The following SHANK2 variants were observed in gnomAD, a reference collection of about 807,000 sequenced individuals.
SHANK2 encodes SH3 and multiple ankyrin repeat domains 2.
A neutral mutation model predicts 133.7 loss-of-function variants in SHANK2; 43 were observed. That is an observed-to-expected ratio of 0.32 (90% CI 0.25 to 0.41). SHANK2 has a LOEUF of 0.41. Ranked by LOEUF, SHANK2 falls within the 10% of genes least tolerant of loss-of-function variation. SHANK2 has a pLI of 1.00. For missense variants in SHANK2, 1,994 were observed against 2,235.8 expected (o/e 0.89, Z 2.18); for synonymous variants, 1,017 against 952.8 (o/e 1.07, Z -1.24).
Position 70,473,118 on chromosome 11 carries a change from C to T in SHANK2, c.5301G>A (p.Ser1767=), listed in dbSNP as rs200116785. ...TATTTGAGATTGGCTGTTGCAGTAT[C>T]GAGGGGGATGGCGACCTACTGCGTC... ...PAGRSRSPSP[S]ILQQPISNKP... Residue 1767 remains serine, a synonymous_variant, in exon 26 of 26, where the codon TCG becomes TCA. Coordinates refer to ENST00000601538, the MANE Select transcript of SHANK2 (RefSeq NM_012309.5). This position sits in a 1 kb window ranked among gnomAD's most constrained non-coding sequence, Gnocchi z 5.9. 9.8e-4 allele frequency: 1,578 copies of T among 1,614,236 alleles called. 32 individuals are homozygous for T. The South Asian group carries it at 0.016, about 17-fold the overall frequency.
Position 71,175,347 on chromosome 11 carries a change from G to A in SHANK2, c.-12-28009C>T, listed in dbSNP as rs1240959500. On this transcript the variant is annotated intron_variant, in intron 2 of 25. Coordinates refer to ENST00000601538, the MANE Select transcript of SHANK2 (RefSeq NM_012309.5). This position sits in a 1 kb window ranked among gnomAD's most constrained non-coding sequence, Gnocchi z 4.2. ...TGATGAAACCTGAGCCACAGAGGTG[G>A]TGTCAGTGAGAAACCAAGGCTGCTG... 6.6e-6 allele frequency among the ~76,000 whole-genome samples: 1 copy of A among 152,152 alleles called. No individual in the cohort carries two copies. Among genetic ancestry groups the A allele is most frequent in the African/African-American group, 2.4e-5 (1 of 41,440 alleles).
At chr11:71,081,141 G>A (rs1032061680) in intron 8 of SHANK2, among the ~76,000 whole-genome samples, 113 of 152,314 alleles carry the variant, frequency 7.4e-4, no homozygotes, top group African/African-American at 2.4e-3. Flanking sequence ...TGGGGACACA[G>A]ACACACAGAG....
intron 11 of SHANK2, among the ~76,000 whole-genome samples, chr11:70,875,985 C>T (rs910360568): frequency 5.9e-5 from 9 of 151,596 alleles, no homozygotes; most frequent in South Asian, 2.1e-4. Context: ...GGAGAAACCC[C>T]GTCTCTACTA....
intron 14 of SHANK2, among the ~76,000 whole-genome samples, chr11:70,756,528 C>T (rs1212739881): frequency 5.9e-5 from 9 of 152,170 alleles, no homozygotes; most frequent in African/African-American, 2.2e-4. Flanking sequence ...CGCTCCTTCC[C>T]TCCAGCTGTG....
intron 21 of SHANK2, among the ~76,000 whole-genome samples, chr11:70,495,072 C>T (rs1429688980): frequency 6.6e-6 from 1 of 152,242 alleles, no homozygotes; most frequent in African/African-American, 2.4e-5. Flanking sequence ...GCAGTGGGGA[C>T]ATCCTGGCTG....
intron 18 of SHANK2, 36 bp downstream of exon 18, chr11:70,502,749 CCCCCAGTAGGG>C: frequency 8.3e-7 from 1 of 1,200,490 alleles, no homozygotes; most frequent in African/African-American, 1.6e-5. Flanking sequence ...CCACCCCCCC[CCCCCAGTAGGG>C]CCCCAGGCTG....
At chr11:70,935,402 C>T (rs1950558471) in intron 10 of SHANK2, among the ~76,000 whole-genome samples, 1 of 152,100 alleles carries the variant, frequency 6.6e-6, no homozygotes, top group Non-Finnish European at 1.5e-5. Context: ...ATTGAAGAAC[C>T]GAGTCCTCAG....
At chr11:70,876,237 C>T (rs145923921) in intron 11 of SHANK2, among the ~76,000 whole-genome samples, 92 of 147,536 alleles carry the variant, frequency 6.2e-4, no homozygotes, top group African/African-American at 2.2e-3. Context: ...CACACACACA[C>T]ATATAGACAC....
In SHANK2 at chr11:70,470,345, T is replaced by G. The variant is rs1402066464; in HGVS notation, c.*2524A>C. ...GGTTAGTGGCATGTGGCTTGGAGTA[T>G]CTTTAAGAAAGGGAATAACATCTGG... On this transcript the variant is annotated 3_prime_UTR_variant, in exon 26 of 26. Transcript: ENST00000601538. 6.6e-6 allele frequency: 1 copy of G among 152,258 alleles called. No individual in the cohort carries two copies. Among genetic ancestry groups the G allele is most frequent in the African/African-American group, 2.4e-5 (1 of 41,446 alleles). 9.4% of individuals were successfully genotyped at this position (152,258 alleles called of 1,614,324 possible).
At chr11:71,108,601 C>G (rs1951837063) in intron 6 of SHANK2, among the ~76,000 whole-genome samples, 1 of 152,248 alleles carries the variant, frequency 6.6e-6, no homozygotes, top group Non-Finnish European at 1.5e-5. Flanking sequence ...AGCGGAAGCC[C>G]AGCCTTGTCC....
chr11:71,102,311 T>C (rs139207814), intron 6 of SHANK2, among the ~76,000 whole-genome samples: 193 of 152,232 alleles, frequency 1.3e-3, no homozygotes, highest in Non-Finnish European at 2.3e-3. Context: ...AATTTACATT[T>C]AGAACAGGTA....
At chr11:70,780,781 T>C (rs1166836852) in intron 14 of SHANK2, among the ~76,000 whole-genome samples, 1 of 152,052 alleles carries the variant, frequency 6.6e-6, no homozygotes, top group Non-Finnish European at 1.5e-5. Flanking sequence ...ACCATGTTGG[T>C]CACGCTGGTC....
intron 3 of SHANK2, among the ~76,000 whole-genome samples, chr11:71,139,726 T>A (rs1329931391): frequency 4.6e-5 from 7 of 152,128 alleles, no homozygotes; most frequent in Non-Finnish European, 1.0e-4. Flanking sequence ...GCCCTCCCTG[T>A]GCCCAGAGCC....
chr11:71,078,424 A>G (rs945389120), intron 8 of SHANK2, among the ~76,000 whole-genome samples: 69 of 152,366 alleles, frequency 4.5e-4, no homozygotes, highest in African/African-American at 1.5e-3. Context: ...TTTAGCAACC[A>G]TAATAGCATT....
rs1216261206 is a variant in SHANK2 at position 70,579,818 on chromosome 11, G to A, written c.2062-76887C>T. On this transcript the variant is annotated intron_variant, in intron 17 of 25. Coordinates refer to ENST00000601538, the MANE Select transcript of SHANK2 (RefSeq NM_012309.5). ...CGTCATCACAAGCGTCCTGATAAGT[G>A]GAGGAGGAGCCGGGAGGAGCAGAGC... 5.9e-5 allele frequency among the ~76,000 whole-genome samples: 9 copies of A among 152,258 alleles called. 1 individual carries two copies. The South Asian group carries it at 1.9e-3, about 31-fold the overall frequency.
At chr11:70,756,426 A>G (rs1397728321) in intron 14 of SHANK2, among the ~76,000 whole-genome samples, 1 of 152,144 alleles carries the variant, frequency 6.6e-6, no homozygotes, top group Admixed American at 6.5e-5. Flanking sequence ...TGAACCGGAG[A>G]AGAGCCCAGG....
intron 2 of SHANK2, among the ~76,000 whole-genome samples, chr11:71,183,540 A>C (rs1953606526): frequency 6.6e-6 from 1 of 152,236 alleles, no homozygotes; most frequent in Admixed American, 6.5e-5. Context: ...TGCCCTGAGC[A>C]ACTGCGACAC....
Position 70,500,527 on chromosome 11 carries a change from G to C in SHANK2, c.2308+43C>G, listed in dbSNP as rs782188402. 4 of 1,590,390 alleles carry C rather than the reference G, an allele frequency of 2.5e-6. No individual in the cohort carries two copies. The highest frequency in any genetic ancestry group is 1.7e-6 in the Non-Finnish European group (2 of 1,168,556). On this transcript the variant is annotated intron_variant, in intron 21 of 25. Transcript: ENST00000601538. The surrounding 1 kb of genome is among the most constrained non-coding windows in gnomAD (Gnocchi z 4.5). ...AAAGGATGTTTCTGTTCCACAGGGG[G>C]GTGATGGGCAGGGGGCTGAGACAGA...
rs985042695 is a variant in SHANK2 at position 70,770,061 on chromosome 11, G to A, written c.1777+28382C>T. Among the ~76,000 whole-genome samples, 6 of 152,220 alleles carry A rather than the reference G, an allele frequency of 3.9e-5. No homozygotes were observed. The East Asian group carries it at 1.2e-3, about 29-fold the overall frequency. On this transcript the variant is annotated intron_variant, in intron 14 of 25. Transcript: ENST00000601538. ...CTTCCCAGTGGCCCACGGACAGTGTGACCTGGGCCCTCTGGCTCCCTCTGA... is the reference window on the plus strand; with the variant it reads ...CTTCCCAGTGGCCCACGGACAGTGTAACCTGGGCCCTCTGGCTCCCTCTGA...
Sources: gnomAD v4.1 joint callset for allele counts (sites outside exome capture counted in the v4.1 genomes callset) on GRCh38, gnomAD v4.1.1 for gene constraint, Gnocchi (gnomAD v3.1) non-coding constraint, MANE v1.5 for transcripts, NCBI Gene and HGNC (gene_info 2026-07-23, HGNC 2026-07-21) for gene names.